BTNL8: variants seen among roughly 807,000 people sequenced by gnomAD.
The protein encoded by BTNL8 is butyrophilin like 8.
BTNL8 carries 22 observed loss-of-function variants against 36.1 expected under a neutral mutation model. The observed-to-expected ratio is 0.61, with a 90% CI of 0.44 to 0.87. The LOEUF (loss-of-function observed/expected upper bound fraction) is 0.87. BTNL8 is among the 40% of genes least tolerant of loss of function. The pLI, the probability that BTNL8 is intolerant of heterozygous loss-of-function variation, is 0.00. For synonymous variants in BTNL8, 203 were observed against 235.6 expected (o/e 0.86, Z 1.27); for missense variants, 526 against 616.9 (o/e 0.85, Z 1.56).
chr5:180,902,429 T>G, intron 1 of BTNL8: 1 of 1,541,212 alleles, frequency 6.5e-7, no homozygotes, highest in Non-Finnish European at 8.8e-7. Flanking sequence ...GTCACTGGCT[T>G]TAGAAATAGG....
In BTNL8 at chr5:180,899,475, C is replaced by T. The variant is rs1044787293; in HGVS notation, c.49+116C>T. ...GTCGTTTCCATTCCTTTGGCTTCTCCTAGCCTCAGCCTGGGGAAGGATCAG... is the reference window on the plus strand; with the variant it reads ...GTCGTTTCCATTCCTTTGGCTTCTCTTAGCCTCAGCCTGGGGAAGGATCAG... On this transcript the variant is annotated intron_variant, in intron 1 of 7. Coordinates refer to ENST00000340184, the MANE Select transcript of BTNL8 (RefSeq NM_001040462.3). 2.5e-6 allele frequency: 3 copies of T among 1,184,196 alleles called. No homozygotes were observed. The African/African-American group carries it at 4.5e-5, about 18-fold the overall frequency. The allele number at this position is 1,184,196 out of a possible 1,614,324, so 73.4% of individuals were successfully genotyped here.
chr5:180,931,114 AT>A (rs1466811894), intron 3 of BTNL8, among the ~76,000 whole-genome samples: 4 of 152,216 alleles, frequency 2.6e-5, no homozygotes, highest in Non-Finnish European at 5.9e-5. Flanking sequence ...AAAAACAGAT[AT>A]ATAGAGCAAT....
At chr5:180,945,488 G>A (rs1759189067) in intron 3 of BTNL8, among the ~76,000 whole-genome samples, 1 of 152,122 alleles carries the variant, frequency 6.6e-6, no homozygotes, top group Non-Finnish European at 1.5e-5. Context: ...AAAAGCTTCT[G>A]TACAGCAAAG....
intron 3 of BTNL8, among the ~76,000 whole-genome samples, chr5:180,924,111 G>A (rs377003621): frequency 6.6e-6 from 1 of 152,300 alleles, no homozygotes. Context: ...ATCTGGCCCT[G>A]GCCAACCTCA....
chr5:180,946,101 C>T (rs1467751415), intron 3 of BTNL8, among the ~76,000 whole-genome samples: 2 of 152,192 alleles, frequency 1.3e-5, no homozygotes, highest in Admixed American at 6.5e-5. Context: ...TATCACCTTA[C>T]ACCTCTTTGA....
At chr5:180,922,684 G>C (rs1757922996) in intron 3 of BTNL8, among the ~76,000 whole-genome samples, 1 of 151,140 alleles carries the variant, frequency 6.6e-6, no homozygotes, top group Non-Finnish European at 1.5e-5. Context: ...TTTGGGTGGA[G>C]AGTTATGTAG....
At chr5:180,908,267 C>T (rs1287673952) in intron 1 of BTNL8, among the ~76,000 whole-genome samples, 4 of 151,522 alleles carry the variant, frequency 2.6e-5, no homozygotes, top group South Asian at 2.1e-4. Flanking sequence ...GGGAGTGACC[C>T]GATTTTCCAG....
intron 1 of BTNL8, among the ~76,000 whole-genome samples, chr5:180,907,955 G>A (rs1757175009): frequency 1.3e-5 from 2 of 152,146 alleles, no homozygotes; most frequent in Admixed American, 1.3e-4. Context: ...GTCTGCAGAG[G>A]TTACTGCTGT....
chr5:180,918,728 C>T (rs903361886), intron 3 of BTNL8, among the ~76,000 whole-genome samples: 3 of 152,112 alleles, frequency 2.0e-5, no homozygotes, highest in African/African-American at 4.8e-5. Context: ...GTAAGGTGTA[C>T]ACTGGTTTGG....
intron 1 of BTNL8, among the ~76,000 whole-genome samples, chr5:180,906,619 G>A (rs1352362025): frequency 8.4e-6 from 1 of 119,718 alleles, no homozygotes; most frequent in Non-Finnish European, 1.7e-5. Flanking sequence ...TCCTACTCTC[G>A]ATGGTCTTTA....
intron 3 of BTNL8, among the ~76,000 whole-genome samples, chr5:180,942,387 A>G (rs988968879): frequency 6.6e-6 from 1 of 152,232 alleles, no homozygotes; most frequent in Admixed American, 6.5e-5. Context: ...TACAGAGTCA[A>G]TGCAATCCTT....
Position 180,911,465 on chromosome 5 carries a change from T to C in BTNL8, c.524T>C (p.Leu175Ser). Residue 175 changes from leucine to serine, a missense_variant, in exon 3 of 8, where the codon TTG (leucine) becomes TCG (serine). Coordinates refer to ENST00000340184, the MANE Select transcript of BTNL8 (RefSeq NM_001040462.3). Reference sequence around the variant, plus strand: ...TGGAAAGGTCCACAAGGACAGGATTTGTCCACAGACTCCAGGACAAACAGA... The same window carrying C: ...TGGAAAGGTCCACAAGGACAGGATTCGTCCACAGACTCCAGGACAAACAGA... ...AKWKGPQGQD[L>S]STDSRTNRDM... 4.3e-6 allele frequency: 7 copies of C among 1,614,234 alleles called. No individual in the cohort carries two copies. The highest frequency in any genetic ancestry group is 5.9e-6 in the Non-Finnish European group (7 of 1,180,042).
chr5:180,914,658 C>T (rs1056672415), intron 3 of BTNL8, among the ~76,000 whole-genome samples: 2 of 152,152 alleles, frequency 1.3e-5, no homozygotes, highest in Non-Finnish European at 2.9e-5. Context: ...TACATACAAA[C>T]TATCACACAA....
intron 3 of BTNL8, among the ~76,000 whole-genome samples, chr5:180,941,388 CTCT>C (rs1426243105): frequency 1.3e-5 from 2 of 152,170 alleles, no homozygotes; most frequent in African/African-American, 4.8e-5. Context: ...CTAACACCTT[CTCT>C]TCTTAAAGTA....
Position 180,935,190 on chromosome 5 carries a change from G to A in BTNL8, c.674-12322G>A, listed in dbSNP as rs1312341077. Among the ~76,000 whole-genome samples the A allele has an allele frequency of 6.6e-6, 1 of 152,184 alleles. No individual in the cohort carries two copies. The highest frequency in any genetic ancestry group is 2.4e-5 in the African/African-American group (1 of 41,444). ...AAAAGCACCATAAATTCTGACTCCA[G>A]GCAGTGGACTCCACCCGGAACTGGC... On this transcript the variant is annotated intron_variant, in intron 3 of 7. Transcript: ENST00000340184. This position sits in a 1 kb window ranked among gnomAD's most constrained non-coding sequence, Gnocchi z 4.8.
intron 3 of BTNL8, chr5:180,945,802 A>G (rs1409592218): frequency 3.9e-6 from 2 of 511,626 alleles, no homozygotes; most frequent in Non-Finnish European, 7.8e-6. Context: ...AAATTCGGTC[A>G]GGGTTCTTGC....
At chr5:180,927,479 G>A (rs1373929593) in intron 3 of BTNL8, among the ~76,000 whole-genome samples, 1 of 152,158 alleles carries the variant, frequency 6.6e-6, no homozygotes, top group East Asian at 1.9e-4. Context: ...TGGAGAATGA[G>A]TTTGATGAAT....
chr5:180,943,228 G>A (rs922163436), intron 3 of BTNL8, among the ~76,000 whole-genome samples: 2 of 144,436 alleles, frequency 1.4e-5, no homozygotes, highest in African/African-American at 5.2e-5. Flanking sequence ...TCAGCTTCCT[G>A]GGTTCAAGTG....
chr5:180,921,658 A>G (rs1757862873), intron 3 of BTNL8, among the ~76,000 whole-genome samples: 1 of 131,736 alleles, frequency 7.6e-6, no homozygotes, highest in South Asian at 2.3e-4. Context: ...TTCTGCTCAT[A>G]CTACACACAC....
Sources: gnomAD v4.1 joint callset for allele counts (sites outside exome capture counted in the v4.1 genomes callset) on GRCh38, gnomAD v4.1.1 for gene constraint, Gnocchi (gnomAD v3.1) non-coding constraint, MANE v1.5 for transcripts, NCBI Gene and HGNC (gene_info 2026-07-23, HGNC 2026-07-21) for gene names.